SHB: variants seen among roughly 807,000 people sequenced by gnomAD.
The protein encoded by SHB is SH2 domain-containing adapter protein B.
Under a neutral mutation model 52.3 loss-of-function variants are expected in SHB, and 20 were observed. The observed-to-expected ratio is 0.38, with a 90% CI of 0.27 to 0.56. The LOEUF is 0.56. Ranked by LOEUF, SHB falls within the 20% of genes least tolerant of loss-of-function variation. The pLI is 0.71. For synonymous variants in SHB, 397 were observed against 316.5 expected, an observed-to-expected ratio of 1.25 and a Z score of -2.70; for missense variants, 825 against 723.3, an observed-to-expected ratio of 1.14 and a Z score of -1.61.
intron 2 of SHB, among the ~76,000 whole-genome samples, chr9:37,976,075 A>G (rs1170571604): frequency 6.6e-6 from 1 of 152,130 alleles, no homozygotes; most frequent in Non-Finnish European, 1.5e-5. Context: ...TTACTCTGTT[A>G]CCCAGGCTGG....
At chr9:38,029,082 A>G (rs1401506229) in intron 1 of SHB, among the ~76,000 whole-genome samples, 1 of 152,228 alleles carries the variant, frequency 6.6e-6, no homozygotes, top group East Asian at 1.9e-4. Flanking sequence ...CCTAGCCAGA[A>G]GCCTATTTGT....
At chr9:38,041,389 A>G (rs1333501172) in intron 1 of SHB, among the ~76,000 whole-genome samples, 2 of 152,202 alleles carry the variant, frequency 1.3e-5, no homozygotes, top group African/African-American at 4.8e-5. Context: ...GGTAGTCACA[A>G]GCAAGGCCCA....
At chr9:37,945,347 C>T (rs1037360050) in intron 5 of SHB, among the ~76,000 whole-genome samples, 1 of 152,214 alleles carries the variant, frequency 6.6e-6, no homozygotes, top group Non-Finnish European at 1.5e-5. Flanking sequence ...AGTACCAGGA[C>T]GGTTCCCCTT....
chr9:38,062,557 G>A (rs566528598), intron 1 of SHB, among the ~76,000 whole-genome samples: 11 of 152,260 alleles, frequency 7.2e-5, no homozygotes, highest in African/African-American at 2.4e-4. Flanking sequence ...GCTGGAGGAG[G>A]AGAGACCACA....
At chr9:37,986,221 TA>T (rs1444249255) in intron 2 of SHB, among the ~76,000 whole-genome samples, 1 of 152,024 alleles carries the variant, frequency 6.6e-6, no homozygotes, top group Non-Finnish European at 1.5e-5. Flanking sequence ...GGCCCAGGTG[TA>T]GAAGGCTCTC....
chr9:38,001,555 T>C (rs1231017780), intron 2 of SHB, among the ~76,000 whole-genome samples: 1 of 152,240 alleles, frequency 6.6e-6, no homozygotes, highest in Non-Finnish European at 1.5e-5. Flanking sequence ...GCCAAGCCCT[T>C]TGGACGCTTT....
intron 2 of SHB, among the ~76,000 whole-genome samples, chr9:38,015,038 G>C (rs909254845): frequency 6.6e-6 from 1 of 152,240 alleles, no homozygotes; most frequent in East Asian, 1.9e-4. Flanking sequence ...CAAGTGTCCA[G>C]ATACACAGGG....
At chr9:38,037,935 G>A (rs1318456465) in intron 1 of SHB, among the ~76,000 whole-genome samples, 1 of 152,184 alleles carries the variant, frequency 6.6e-6, no homozygotes, top group African/African-American at 2.4e-5. Flanking sequence ...TTCACATTCT[G>A]TCACACTCTA....
intron 3 of SHB, among the ~76,000 whole-genome samples, chr9:37,972,279 C>T (rs1820599047): frequency 6.6e-6 from 1 of 152,208 alleles, no homozygotes; most frequent in Admixed American, 6.5e-5. Flanking sequence ...CAGTTCCTCC[C>T]ATGCCCAGAG....
intron 2 of SHB, among the ~76,000 whole-genome samples, chr9:38,009,868 A>G (rs1328701170): frequency 6.6e-6 from 1 of 152,272 alleles, no homozygotes; most frequent in Non-Finnish European, 1.5e-5. Context: ...TTGATTTAAT[A>G]ATAAAAACAT....
intron 3 of SHB, among the ~76,000 whole-genome samples, chr9:37,967,709 G>A (rs190153225): frequency 6.6e-5 from 10 of 152,298 alleles, no homozygotes; most frequent in East Asian, 3.9e-4. Context: ...GCCTCACCCC[G>A]GATCTACCGA....
intron 1 of SHB, among the ~76,000 whole-genome samples, chr9:38,018,693 T>C (rs10814643): frequency 0.43 from 65,442 of 151,998 alleles, 14,433 homozygotes; most frequent in Middle Eastern, 0.51. Context: ...TGCAAAATGA[T>C]GTCCTAGTTT....
intron 1 of SHB, among the ~76,000 whole-genome samples, chr9:38,043,060 T>C (rs915120628): frequency 6.6e-6 from 1 of 152,190 alleles, no homozygotes; most frequent in African/African-American, 2.4e-5. Flanking sequence ...CAAGCTGTGC[T>C]CTCTGCCTAG....
At chr9:37,932,254 C>T (rs142109923) in intron 5 of SHB, among the ~76,000 whole-genome samples, 2 of 77,972 alleles carry the variant, frequency 2.6e-5, no homozygotes, top group Non-Finnish European at 4.6e-5. Flanking sequence ...GCCTAGGTAA[C>T]AAGAGCGAAA....
At chr9:37,936,653 A>G (rs1256699283) in intron 5 of SHB, 2 of 152,238 alleles carry the variant, frequency 1.3e-5, no homozygotes, top group Non-Finnish European at 2.9e-5. Flanking sequence ...CAGATGTTAG[A>G]TGGCAAATTT....
intron 1 of SHB, among the ~76,000 whole-genome samples, chr9:38,035,273 G>A (rs1339113781): frequency 1.3e-5 from 2 of 151,774 alleles, no homozygotes; most frequent in African/African-American, 4.8e-5. Flanking sequence ...GCTATTCAAA[G>A]TATAACAGAG....
chr9:38,050,498 T>C (rs1251638669), intron 1 of SHB, among the ~76,000 whole-genome samples: 2 of 152,296 alleles, frequency 1.3e-5, no homozygotes, highest in African/African-American at 4.8e-5. Flanking sequence ...ATTTCCCTTT[T>C]TGGGATTTTT....
intron 1 of SHB, among the ~76,000 whole-genome samples, chr9:38,033,558 G>A (rs1821444030): frequency 6.6e-6 from 1 of 152,196 alleles, no homozygotes; most frequent in Non-Finnish European, 1.5e-5. Flanking sequence ...TGCCCTAGTT[G>A]ACCAATCATT....
intron 5 of SHB, 137 bp from the exon 6 acceptor site, chr9:37,920,141 G>A (rs1013195985): frequency 7.5e-5 from 50 of 669,534 alleles, no homozygotes; most frequent in South Asian, 2.2e-4. Flanking sequence ...AGCCAGGACC[G>A]AGGCCCAGGA....
Sources: gnomAD v4.1 joint callset for allele counts (sites outside exome capture counted in the v4.1 genomes callset) on GRCh38, gnomAD v4.1.1 for gene constraint, MANE v1.5 for transcripts, NCBI Gene and HGNC (gene_info 2026-07-23, HGNC 2026-07-21) for gene names.